Variants in MYO18B observed in about 807,000 individuals in gnomAD.
MYO18B encodes unconventional myosin-XVIIIb.
MYO18B carries 204 observed loss-of-function variants against 273.0 expected under a neutral mutation model. The observed-to-expected ratio is 0.75, with a 90% CI of 0.67 to 0.84. MYO18B has a LOEUF of 0.84. MYO18B is among the 40% of genes least tolerant of loss of function. The pLI is 0.00. For missense variants in MYO18B, 3,212 were observed against 3,287.6 expected (o/e 0.98, Z 0.56); for synonymous variants, 1,330 against 1,305.7 (o/e 1.02, Z -0.40).
intron 34 of MYO18B, among the ~76,000 whole-genome samples, chr22:25,930,862 T>C (rs2092489173): frequency 1.3e-5 from 2 of 152,184 alleles, no homozygotes; most frequent in African/African-American, 4.8e-5. Flanking sequence ...GTGCGACTTA[T>C]ACACTGTGAG....
chr22:25,853,394 A>G (rs2090480065), intron 21 of MYO18B, among the ~76,000 whole-genome samples: 1 of 152,232 alleles, frequency 6.6e-6, no homozygotes, highest in Non-Finnish European at 1.5e-5. Flanking sequence ...TGCCTTCTGC[A>G]GGGCCCTCCT....
intron 39 of MYO18B, among the ~76,000 whole-genome samples, chr22:25,988,348 C>T (rs1167451015): frequency 6.6e-6 from 1 of 152,048 alleles, no homozygotes; most frequent in Non-Finnish European, 1.5e-5. Context: ...TAAATTTCTC[C>T]AAGCTTTCTC....
At chr22:26,004,022 G>A (rs1934208116) in intron 41 of MYO18B, among the ~76,000 whole-genome samples, 1 of 151,366 alleles carries the variant, frequency 6.6e-6, no homozygotes, top group Non-Finnish European at 1.5e-5. Flanking sequence ...CAGGGTCAAT[G>A]TTAAGTTCAT....
chr22:25,977,852 T>C (rs1196642112), intron 39 of MYO18B, among the ~76,000 whole-genome samples: 6 of 152,220 alleles, frequency 3.9e-5, no homozygotes, highest in Non-Finnish European at 8.8e-5. Context: ...GCTGTTATTA[T>C]TTCCACTTTG....
At position 25,950,474 on chromosome 22, in the gene MYO18B, A is replaced by G. The variant is rs5997007; in HGVS notation, c.5832+24A>G. ...AAGTATGTGCTCAGAGCCATCCTATAGTTGTATTAGTCAGGGTTTTCTTAG... is the reference window on the plus strand; with the variant it reads ...AAGTATGTGCTCAGAGCCATCCTATGGTTGTATTAGTCAGGGTTTTCTTAG... On this transcript the variant is annotated intron_variant, in intron 37 of 43. Transcript: ENST00000335473. The G allele has an allele frequency of 3.9e-3, 6,137 of 1,567,350 alleles. 143 individuals are homozygous for G. In the African/African-American group the frequency reaches 0.055, roughly 14 times the overall value.
intron 13 of MYO18B, among the ~76,000 whole-genome samples, chr22:25,824,476 A>G (rs1231384386): frequency 6.6e-6 from 1 of 152,138 alleles, no homozygotes; most frequent in East Asian, 1.9e-4. Flanking sequence ...TTTGTACTGT[A>G]CTTGCAAGGA....
At position 25,828,737 on chromosome 22, in the gene MYO18B, T is replaced by C. The variant is rs41281575; in HGVS notation, c.2787-39T>C. On this transcript the variant is annotated intron_variant, in intron 14 of 43. Coordinates refer to ENST00000335473, the MANE Select transcript of MYO18B (RefSeq NM_032608.7). ...TGGATCAGTGTGCTCCTAGATTCCATGCCATCTCAGACATTCCACCTCTCT... is the reference window on the plus strand; with the variant it reads ...TGGATCAGTGTGCTCCTAGATTCCACGCCATCTCAGACATTCCACCTCTCT... 41,986 of 1,581,726 alleles carry C rather than the reference T, an allele frequency of 0.027. 2,264 individuals carry two copies. The highest frequency in any genetic ancestry group is 0.22 in the African/African-American group (16,061 of 74,350).
intron 29 of MYO18B, chr22:25,901,557 T>C (rs1455771768): frequency 6.6e-6 from 1 of 152,170 alleles, no homozygotes; most frequent in Non-Finnish European, 1.5e-5. Flanking sequence ...TGTTTTCTGC[T>C]TGAGAAACAA....
intron 1 of MYO18B, among the ~76,000 whole-genome samples, chr22:25,751,416 T>C (rs2085927949): frequency 6.6e-6 from 1 of 152,224 alleles, no homozygotes; most frequent in Non-Finnish European, 1.5e-5. Flanking sequence ...CCCCTGAATG[T>C]ACCTACTTGA....
rs545448841 is a variant in MYO18B at position 25,794,725 on chromosome 22, C to T, written c.2377-3228C>T. Among the ~76,000 whole-genome samples the T allele has an allele frequency of 1.2e-3, 186 of 152,044 alleles. 1 individual carries two copies. The highest frequency in any genetic ancestry group is 2.2e-3 in the Non-Finnish European group (150 of 67,938). ...TTCACCGTGTTAGCCAGGATGGTCACGATCTCCTGACCTCATGATCCATCC... is the reference window on the plus strand; with the variant it reads ...TTCACCGTGTTAGCCAGGATGGTCATGATCTCCTGACCTCATGATCCATCC... On this transcript the variant is annotated intron_variant, in intron 11 of 43. Coordinates refer to ENST00000335473, the MANE Select transcript of MYO18B (RefSeq NM_032608.7).
intron 27 of MYO18B, 163 bp from the exon 28 acceptor site, chr22:25,894,990 ACTC>A: frequency 1.3e-6 from 1 of 788,332 alleles, no homozygotes; most frequent in Non-Finnish European, 2.0e-6. Flanking sequence ...GTTATTTAAA[ACTC>A]AGAGTTAAAG....
intron 40 of MYO18B, among the ~76,000 whole-genome samples, chr22:25,996,812 G>A (rs1428792713): frequency 6.6e-6 from 1 of 152,104 alleles, no homozygotes; most frequent in East Asian, 1.9e-4. Flanking sequence ...GGAAGTGAAA[G>A]AAAACCAGTG....
At chr22:26,020,853 C>T (rs925817442) in intron 42 of MYO18B, among the ~76,000 whole-genome samples, 18 of 152,258 alleles carry the variant, frequency 1.2e-4, no homozygotes, top group Admixed American at 2.6e-4. Context: ...GTTTGGGAGG[C>T]CAAGGTGGGT....
At chr22:25,780,890 G>A (rs956799157) in intron 9 of MYO18B, among the ~76,000 whole-genome samples, 26 of 152,212 alleles carry the variant, frequency 1.7e-4, no homozygotes, top group African/African-American at 6.0e-4. Flanking sequence ...CGCGTGTGAC[G>A]AACACATGGC....
At position 26,027,325 on chromosome 22, in the gene MYO18B, C is replaced by T. The variant is rs747751977; in HGVS notation, c.7351C>T (p.Pro2451Ser). ...FDDFLPAIRK[P>S]QTPTSLAGSA... ...TGACTTCCTCCCAGCTATCCGGAAG[C>T]CCCAGACACCTACCTCCTTGGCTGG... is the stretch of plus-strand genomic sequence containing the variant. The change falls in exon 43 of 44, where the codon CCC becomes TCC. Residue 2451 changes from proline to serine, a missense_variant. Coordinates refer to ENST00000335473, the MANE Select transcript of MYO18B (RefSeq NM_032608.7). This position sits in a 1 kb window ranked among gnomAD's most constrained non-coding sequence, Gnocchi z 4.1. 8 of 1,614,012 alleles carry T rather than the reference C, an allele frequency of 5.0e-6. No homozygotes were observed. In the South Asian group the frequency reaches 5.5e-5, roughly 11 times the overall value.
intron 40 of MYO18B, among the ~76,000 whole-genome samples, chr22:25,993,810 T>G (rs1025098039): frequency 2.6e-5 from 4 of 152,142 alleles, no homozygotes; most frequent in Non-Finnish European, 5.9e-5. Flanking sequence ...ACATCTATAT[T>G]GTCTATATTA....
At chr22:25,825,988 G>A (rs538804186) in intron 13 of MYO18B, among the ~76,000 whole-genome samples, 2 of 152,306 alleles carry the variant, frequency 1.3e-5, no homozygotes, top group South Asian at 2.1e-4. Flanking sequence ...CAGGGACAGC[G>A]CCTATCTTCA....
chr22:26,039,058 C>G, the MYO18B span, among the ~76,000 whole-genome samples: 2 of 152,176 alleles, frequency 1.3e-5, no homozygotes, highest in African/African-American at 4.8e-5. Flanking sequence ...AAGCATCAAG[C>G]AAGGGAGAAA....
At chr22:25,917,181 A>G (rs1028389971) in intron 33 of MYO18B, among the ~76,000 whole-genome samples, 5 of 152,258 alleles carry the variant, frequency 3.3e-5, no homozygotes, top group Non-Finnish European at 5.9e-5. Flanking sequence ...ATATAAAAGC[A>G]TAAACCATAA....
Sources: gnomAD v4.1 joint callset for allele counts (sites outside exome capture counted in the v4.1 genomes callset) on GRCh38, gnomAD v4.1.1 for gene constraint, Gnocchi (gnomAD v3.1) non-coding constraint, MANE v1.5 for transcripts, NCBI Gene and HGNC (gene_info 2026-07-23, HGNC 2026-07-21) for gene names.